SNX29: variants seen among roughly 807,000 people sequenced by gnomAD.
SNX29 encodes sorting nexin 29, also known as sorting nexin-29.
Under a neutral mutation model 102.1 loss-of-function variants are expected in SNX29, and 78 were observed. That is an observed-to-expected ratio of 0.76 (90% CI 0.64 to 0.92). The LOEUF is 0.92. Ranked by LOEUF, SNX29 falls within the 40% of genes least tolerant of loss-of-function variation. SNX29 has a pLI of 0.00. For missense variants in SNX29, 1,280 were observed against 1,061.7 expected, an observed-to-expected ratio of 1.21 and a Z score of -2.86; for synonymous variants, 580 against 414.5, an observed-to-expected ratio of 1.40 and a Z score of -4.85.
intron 18 of SNX29, among the ~76,000 whole-genome samples, chr16:12,461,429 C>G (rs141485083): frequency 5.3e-4 from 80 of 152,298 alleles, no homozygotes; most frequent in African/African-American, 1.8e-3. Context: ...ATTTTGCAGT[C>G]AGAGCAAGTT....
At chr16:12,082,634 C>A (rs2051962727) in intron 11 of SNX29, among the ~76,000 whole-genome samples, 1 of 152,096 alleles carries the variant, frequency 6.6e-6, no homozygotes, top group African/African-American at 2.4e-5. Flanking sequence ...AGAGCTTATA[C>A]CTTGAATCTC....
chr16:12,541,315 G>A lies in SNX29; in HGVS notation c.2318+16474G>A, dbSNP rs549408366. On this transcript the variant is annotated intron_variant, in intron 20 of 20. Transcript: ENST00000566228. Reference sequence around the variant, plus strand: ...AACAGTGGGGATGGTCAGCCCTGATGGAGGACTTCTGAGTGCCAGAATTAC... The same window carrying A: ...AACAGTGGGGATGGTCAGCCCTGATAGAGGACTTCTGAGTGCCAGAATTAC... Among the ~76,000 whole-genome samples, 68 of 152,288 alleles carry A rather than the reference G, an allele frequency of 4.5e-4. 1 individual carries two copies. In the South Asian group the frequency reaches 0.01, roughly 23 times the overall value.
chr16:12,443,633 T>G (rs1352720585), intron 18 of SNX29, among the ~76,000 whole-genome samples: 3 of 152,196 alleles, frequency 2.0e-5, no homozygotes, highest in Non-Finnish European at 4.4e-5. Flanking sequence ...GTGTTTTCAT[T>G]AGAGACAGGT....
intron 19 of SNX29, among the ~76,000 whole-genome samples, chr16:12,485,060 C>G (rs763220672): frequency 2.8e-4 from 42 of 152,354 alleles, no homozygotes; most frequent in Non-Finnish European, 5.0e-4. Flanking sequence ...CTTCGCTTTG[C>G]TGGGTGTTGG....
At chr16:12,332,727 C>T (rs923169397) in intron 15 of SNX29, among the ~76,000 whole-genome samples, 1 of 152,164 alleles carries the variant, frequency 6.6e-6, no homozygotes, top group African/African-American at 2.4e-5. Flanking sequence ...TCTTATCCTC[C>T]CAGCCTGATC....
At chr16:12,476,389 T>A (rs1567603164) in intron 18 of SNX29, among the ~76,000 whole-genome samples, 13 of 13,942 alleles carry the variant, frequency 9.3e-4, no homozygotes, top group African/African-American at 2.0e-3. Flanking sequence ...AAAAAATATA[T>A]ATATATATAT....
At chr16:12,271,099 C>G (rs114260326) in intron 14 of SNX29, among the ~76,000 whole-genome samples, 1,704 of 152,334 alleles carry the variant, frequency 0.011, 51 homozygotes, top group African/African-American at 0.038. Context: ...TGATTAAAGA[C>G]TCTACGTTGG....
At chr16:12,160,277 G>A (rs1308818950) in intron 13 of SNX29, among the ~76,000 whole-genome samples, 1 of 152,204 alleles carries the variant, frequency 6.6e-6, no homozygotes, top group African/African-American at 2.4e-5. Context: ...GGGCATGGTA[G>A]GAGTAGATGT....
intron 15 of SNX29, among the ~76,000 whole-genome samples, chr16:12,291,929 C>T (rs2079810243): frequency 6.6e-6 from 1 of 152,184 alleles, no homozygotes; most frequent in African/African-American, 2.4e-5. Context: ...GAAGAATCAG[C>T]CCTCTCCCTT....
intron 18 of SNX29, among the ~76,000 whole-genome samples, chr16:12,426,300 C>A (rs910035719): frequency 6.6e-6 from 1 of 152,174 alleles, no homozygotes; most frequent in Admixed American, 6.5e-5. Context: ...CAGGAAGAAG[C>A]AACAGCCTTT....
intron 19 of SNX29, among the ~76,000 whole-genome samples, chr16:12,482,110 G>T (rs527567801): frequency 1.3e-5 from 2 of 152,306 alleles, no homozygotes; most frequent in East Asian, 3.9e-4. Flanking sequence ...AATTTTTGGA[G>T]TGTGTTGATT....
chr16:12,272,646 G>C (rs2079124791), intron 14 of SNX29, among the ~76,000 whole-genome samples: 1 of 152,130 alleles, frequency 6.6e-6, no homozygotes, highest in Admixed American at 6.5e-5. Flanking sequence ...AATTTTGTTT[G>C]TGTCTTTAAA....
intron 18 of SNX29, among the ~76,000 whole-genome samples, chr16:12,444,832 GT>G (rs1373696513): frequency 4.0e-5 from 3 of 75,314 alleles, no homozygotes; most frequent in African/African-American, 3.1e-4. Flanking sequence ...CCTCGACAGT[GT>G]TTTTTTTTGT....
intron 10 of SNX29, among the ~76,000 whole-genome samples, chr16:12,070,241 T>A (rs1258189540): frequency 1.3e-5 from 2 of 151,846 alleles, no homozygotes; most frequent in African/African-American, 4.8e-5. Flanking sequence ...GTTAGTTACA[T>A]ATGTATACAT....
chr16:12,484,512 C>T lies in SNX29; in HGVS notation c.2178+6653C>T, dbSNP rs143300778. ...ACCCCTGGTACTTACAATGGGGACT[C>T]GTTACTGTGGCCTCAGAGGTGTCCC... On this transcript the variant is annotated intron_variant, in intron 19 of 20. Transcript: ENST00000566228. Among the ~76,000 whole-genome samples, 50 of 152,270 alleles carry T rather than the reference C, an allele frequency of 3.3e-4. No homozygotes were observed. The East Asian group carries it at 8.3e-3, about 25-fold the overall frequency.
intron 20 of SNX29, among the ~76,000 whole-genome samples, chr16:12,538,458 G>T (rs555785094): frequency 5.4e-4 from 82 of 152,226 alleles, no homozygotes; most frequent in African/African-American, 1.9e-3. Flanking sequence ...TGGTTATCAC[G>T]TATCTCCTAT....
intron 14 of SNX29, among the ~76,000 whole-genome samples, chr16:12,256,104 T>G (rs977078813): frequency 2.6e-5 from 4 of 152,186 alleles, no homozygotes; most frequent in African/African-American, 9.7e-5. Context: ...TGGTTTTGAT[T>G]TGCATTTCTC....
chr16:12,456,995 A>T (rs1320078365), intron 18 of SNX29, among the ~76,000 whole-genome samples: 1 of 152,080 alleles, frequency 6.6e-6, no homozygotes, highest in Non-Finnish European at 1.5e-5. Context: ...GTTGATTGTG[A>T]TACTCGAGGC....
intron 15 of SNX29, among the ~76,000 whole-genome samples, chr16:12,309,181 C>G (rs1212375549): frequency 2.0e-5 from 3 of 152,182 alleles, no homozygotes; most frequent in African/African-American, 7.2e-5. Context: ...TGGGCTTCCT[C>G]TGCAATCAGG....
Sources: allele counts gnomAD v4.1 joint callset (sites outside exome capture counted in the v4.1 genomes callset), GRCh38; gene constraint gnomAD v4.1.1; transcripts MANE v1.5; gene names NCBI Gene and HGNC (gene_info 2026-07-23, HGNC 2026-07-21).